CCDC30: variants seen among roughly 807,000 people sequenced by gnomAD.
CCDC30 encodes the protein coiled-coil domain containing 30.
CCDC30 carries 70 observed loss-of-function variants against 100.2 expected under a neutral mutation model. The ratio of observed to expected loss-of-function variants is 0.70; its 90% CI spans 0.58 to 0.85. The LOEUF (loss-of-function observed/expected upper bound fraction) is 0.85. Among genes scored for constraint, CCDC30 ranks in the 40% least tolerant of loss-of-function variants. The probability of loss-of-function intolerance (pLI) is 0.00; values close to 1 mark genes in which losing one functional copy is unlikely to be tolerated. For missense variants in CCDC30, 652 were observed against 771.2 expected (o/e 0.85, Z 1.83); for synonymous variants, 233 against 269.5 (o/e 0.86, Z 1.33).
chr1:42,550,801 T>A (rs1364990215), intron 6 of CCDC30, among the ~76,000 whole-genome samples: 1 of 152,230 alleles, frequency 6.6e-6, no homozygotes, highest in African/African-American at 2.4e-5. Flanking sequence ...ATCACTTATT[T>A]GAATCCTTAG....
At chr1:42,460,018 A>G, upstream of CCDC30, 1 of 1,457,240 alleles carries the variant, frequency 6.9e-7, no homozygotes, top group Non-Finnish European at 9.0e-7. Flanking sequence ...ATGGACAGAT[A>G]AAATGAAAGA....
intron 11 of CCDC30, among the ~76,000 whole-genome samples, chr1:42,633,970 G>GA (rs1273277463): frequency 2.6e-5 from 4 of 151,900 alleles, no homozygotes; most frequent in Non-Finnish European, 5.9e-5. Context: ...AGTAAAAGGG[G>GA]AAAAACCCCT....
intron 7 of CCDC30, among the ~76,000 whole-genome samples, chr1:42,567,852 T>C (rs973528285): frequency 6.6e-6 from 1 of 152,174 alleles, no homozygotes; most frequent in African/African-American, 2.4e-5. Flanking sequence ...ATTGGATTAA[T>C]GAACAGTCTT....
intron 6 of CCDC30, among the ~76,000 whole-genome samples, chr1:42,561,903 A>T (rs1458654957): frequency 4.6e-5 from 7 of 152,200 alleles, no homozygotes; most frequent in Non-Finnish European, 1.0e-4. Flanking sequence ...GATGTGAAGG[A>T]CCTCTTCAAG....
chr1:42,504,037 A>G (rs980598620), intron 6 of CCDC30, among the ~76,000 whole-genome samples: 1 of 152,248 alleles, frequency 6.6e-6, no homozygotes, highest in Admixed American at 6.5e-5. Context: ...AGTCATTAGC[A>G]TTGTTTCTAC....
chr1:42,639,455 G>A lies in CCDC30; in HGVS notation c.1419+2077G>A, dbSNP rs188868148. On this transcript the variant is annotated intron_variant, in intron 12 of 16. Transcript: ENST00000668663. ...CTGTCACTCAAAACTATGAGAAAAT[G>A]TTATGGCAGCCCTAGGAAACTAATG... Among the ~76,000 whole-genome samples, 634 of 152,304 alleles carry A rather than the reference G, an allele frequency of 4.2e-3. 4 individuals carry two copies. The highest frequency in any genetic ancestry group is 5.9e-3 in the Non-Finnish European group (401 of 68,026).
At chr1:42,542,146 A>G (rs551505709) in intron 6 of CCDC30, among the ~76,000 whole-genome samples, 5 of 152,340 alleles carry the variant, frequency 3.3e-5, no homozygotes, top group African/African-American at 1.2e-4. Context: ...AGTCTGTGGA[A>G]CAGAGTTGGT....
intron 6 of CCDC30, among the ~76,000 whole-genome samples, chr1:42,550,280 A>G (rs1645224155): frequency 6.6e-6 from 1 of 152,144 alleles, no homozygotes; most frequent in African/African-American, 2.4e-5. Flanking sequence ...GGACTGTTAC[A>G]TATCTTCCTA....
chr1:42,474,951 T>G (rs922855187), intron 1 of CCDC30, among the ~76,000 whole-genome samples: 1 of 152,234 alleles, frequency 6.6e-6, no homozygotes, highest in Non-Finnish European at 1.5e-5. Context: ...CTGTTAACAT[T>G]TAATCATCTT....
chr1:42,521,248 G>C (rs1195532733), intron 6 of CCDC30: 2 of 153,408 alleles, frequency 1.3e-5, no homozygotes, highest in African/African-American at 4.8e-5. Flanking sequence ...CAAAGTGCTG[G>C]GATTACAGGT....
intron 6 of CCDC30, among the ~76,000 whole-genome samples, chr1:42,565,048 T>A (rs1386392373): frequency 6.6e-6 from 1 of 152,226 alleles, no homozygotes; most frequent in Non-Finnish European, 1.5e-5. Context: ...CAGTTTTGCA[T>A]TGTATGTGTG....
chr1:42,457,362 T>G, the CCDC30 span: 105 of 1,606,230 alleles, frequency 6.5e-5, no homozygotes, highest in Admixed American at 1.7e-5. Context: ...TGATGGGCGC[T>G]TCTCTTCCAG....
chr1:42,510,210 C>T (rs1460597200), intron 6 of CCDC30: 1 of 702,166 alleles, frequency 1.4e-6, no homozygotes, highest in African/African-American at 1.9e-5. Flanking sequence ...TCTTTACTCT[C>T]TCTATTTTCT....
chr1:42,520,225 T>C lies in CCDC30; in HGVS notation c.456+21309T>C, dbSNP rs564689371. The stretch of plus-strand genomic sequence containing the variant: ...TTGATTTGAGATCTTTCTTATTTTT[T>C]ACTGTAAGCAGTTACAAATTTCCCG... On this transcript the variant is annotated intron_variant, in intron 6 of 16. Coordinates refer to ENST00000668663, the Ensembl canonical transcript of CCDC30. Among the ~76,000 whole-genome samples the C allele has an allele frequency of 7.9e-5, 12 of 152,200 alleles. No individual in the cohort carries two copies. In the South Asian group the frequency reaches 1.9e-3, roughly 24 times the overall value.
At chr1:42,653,956 T>C (rs2148702991) in exon 17 of CCDC30, 2 of 1,614,112 alleles carry the variant, frequency 1.2e-6, no homozygotes, top group South Asian at 1.1e-5. Context: ...ATTCTGAGGC[T>C]GGATACATAA....
intron 6 of CCDC30, among the ~76,000 whole-genome samples, chr1:42,546,417 T>A (rs1181574222): frequency 0.014 from 48 of 3,458 alleles, 4 homozygotes; most frequent in South Asian, 0.11. Context: ...TATATATATA[T>A]ATATATATAT....
chr1:42,572,190 T>C (rs1645747175), intron 7 of CCDC30, among the ~76,000 whole-genome samples: 1 of 152,238 alleles, frequency 6.6e-6, no homozygotes. Context: ...TGTCAGACGT[T>C]AAAATTTTTG....
chr1:42,611,796 T>C (rs537809539), intron 11 of CCDC30, among the ~76,000 whole-genome samples: 3 of 152,174 alleles, frequency 2.0e-5, no homozygotes, highest in African/African-American at 7.2e-5. Flanking sequence ...CCCACCTCAG[T>C]CTCCTGAGTA....
intron 11 of CCDC30, among the ~76,000 whole-genome samples, chr1:42,613,183 G>T (rs1485031724): frequency 6.6e-6 from 1 of 152,168 alleles, no homozygotes; most frequent in African/African-American, 2.4e-5. Context: ...GAGGGCTGCT[G>T]GTTGGCTATT....
Sources: gnomAD v4.1 joint callset for allele counts (sites outside exome capture counted in the v4.1 genomes callset) on GRCh38, gnomAD v4.1.1 for gene constraint, MANE v1.5 for transcripts, NCBI Gene and HGNC (gene_info 2026-07-23, HGNC 2026-07-21) for gene names.